PTPRD: variants seen among roughly 807,000 people sequenced by gnomAD.
PTPRD encodes the protein protein tyrosine phosphatase receptor type D.
PTPRD carries 34 observed loss-of-function variants against 214.5 expected under a neutral mutation model. That is an observed-to-expected ratio of 0.16 (90% CI 0.12 to 0.21). The LOEUF is 0.21. PTPRD is among the 10% of genes least tolerant of loss of function. PTPRD has a pLI of 1.00. For synonymous variants in PTPRD, 1,128 were observed against 845.7 expected, an observed-to-expected ratio of 1.33 and a Z score of -5.79; for missense variants, 2,545 against 2,398.7, an observed-to-expected ratio of 1.06 and a Z score of -1.27.
chr9:8,683,078 TC>T (rs2097581985), intron 12 of PTPRD, among the ~76,000 whole-genome samples: 1 of 152,154 alleles, frequency 6.6e-6, no homozygotes, highest in South Asian at 2.1e-4. Flanking sequence ...ATTTTCCACA[TC>T]TTAACTTTTG....
intron 8 of PTPRD, among the ~76,000 whole-genome samples, chr9:9,419,060 G>A (rs1386846695): frequency 6.6e-6 from 1 of 150,446 alleles, no homozygotes; most frequent in Non-Finnish European, 1.5e-5. Flanking sequence ...ATATGAAGAT[G>A]CTACAAGAGT....
intron 9 of PTPRD, among the ~76,000 whole-genome samples, chr9:9,211,263 A>G (rs1426017473): frequency 1.3e-5 from 2 of 152,152 alleles, no homozygotes; most frequent in Non-Finnish European, 2.9e-5. Context: ...AACATAGCCT[A>G]ATTATTTACT....
chr9:8,925,944 T>C (rs969118734), intron 11 of PTPRD, among the ~76,000 whole-genome samples: 1 of 151,468 alleles, frequency 6.6e-6, no homozygotes, highest in Non-Finnish European at 1.5e-5. Flanking sequence ...TGAGTTAATA[T>C]TTCTCTTGTT....
At chr9:8,717,648 A>AT (rs1462507333) in intron 12 of PTPRD, among the ~76,000 whole-genome samples, 8 of 152,302 alleles carry the variant, frequency 5.3e-5, no homozygotes, top group Admixed American at 3.9e-4. Context: ...ACTGAGGGGC[A>AT]TTTTTTAAAT....
chr9:8,536,616 A>C (rs1335092984), intron 14 of PTPRD, among the ~76,000 whole-genome samples: 1 of 151,996 alleles, frequency 6.6e-6, no homozygotes, highest in East Asian at 1.9e-4. Flanking sequence ...TAGAGAGCTG[A>C]GATTTAGTAC....
chr9:10,078,439 C>A (rs1348654278), intron 3 of PTPRD, among the ~76,000 whole-genome samples: 1 of 149,708 alleles, frequency 6.7e-6, no homozygotes. Flanking sequence ...TTGCTTGAAC[C>A]TGGGAGGTGG....
chr9:8,811,647 G>A (rs2096806103), intron 11 of PTPRD, among the ~76,000 whole-genome samples: 1 of 151,278 alleles, frequency 6.6e-6, no homozygotes. Flanking sequence ...TTTTCTGAAA[G>A]GCTATACTGC....
rs566001905 is a variant in PTPRD at position 10,145,724 on chromosome 9, T to C, written c.-544-111934A>G. On this transcript the variant is annotated intron_variant, in intron 3 of 45. Coordinates refer to ENST00000381196, the MANE Select transcript of PTPRD (RefSeq NM_002839.4). ...AGTCTCCAGCATGTGTGTATGTGTATAAACACATATACTACACGTATATAT... is the reference window on the plus strand; with the variant it reads ...AGTCTCCAGCATGTGTGTATGTGTACAAACACATATACTACACGTATATAT... Among the ~76,000 whole-genome samples the C allele has an allele frequency of 2.0e-5, 3 of 152,116 alleles. No individual in the cohort carries two copies. The South Asian group carries it at 6.2e-4, about 32-fold the overall frequency.
intron 11 of PTPRD, among the ~76,000 whole-genome samples, chr9:8,890,509 TG>T (rs1388773149): frequency 2.0e-5 from 3 of 152,250 alleles, no homozygotes; most frequent in Non-Finnish European, 2.9e-5. Flanking sequence ...CTTCATCTTT[TG>T]GGTCAGGACT....
chr9:10,256,994 T>A (rs780562757), intron 3 of PTPRD, among the ~76,000 whole-genome samples: 13 of 152,178 alleles, frequency 8.5e-5, no homozygotes, highest in Non-Finnish European at 1.8e-4. Flanking sequence ...TCAATACATT[T>A]CAGGCCATGG....
At chr9:9,863,992 C>T (rs919469683) in intron 5 of PTPRD, among the ~76,000 whole-genome samples, 4 of 152,036 alleles carry the variant, frequency 2.6e-5, no homozygotes, top group Non-Finnish European at 5.9e-5. Context: ...AAAGATTGTT[C>T]CATATGAGGC....
chr9:8,315,654 C>G lies in PTPRD; in HGVS notation c.*2220G>C, dbSNP rs1024110483. 1 of 226,484 alleles carries G rather than the reference C, an allele frequency of 4.4e-6. No homozygotes were observed. The highest frequency in any genetic ancestry group is 8.8e-6 in the Non-Finnish European group (1 of 113,954). 14.0% of individuals were successfully genotyped at this position (226,484 alleles called of 1,614,324 possible). On this transcript the variant is annotated 3_prime_UTR_variant, in exon 46 of 46. Coordinates refer to ENST00000381196, the MANE Select transcript of PTPRD (RefSeq NM_002839.4). Reference sequence around the variant, plus strand: ...GTATTATATATATTTTCTTTTTTTTCTTTTTCTTTGTTTTTTACAAAAGTG... The same window carrying G: ...GTATTATATATATTTTCTTTTTTTTGTTTTTCTTTGTTTTTTACAAAAGTG...
At chr9:8,652,852 G>T (rs1260233373) in intron 12 of PTPRD, among the ~76,000 whole-genome samples, 1 of 152,162 alleles carries the variant, frequency 6.6e-6, no homozygotes, top group Non-Finnish European at 1.5e-5. Context: ...GATTCTAGAT[G>T]AATTTAATCT....
intron 11 of PTPRD, among the ~76,000 whole-genome samples, chr9:8,804,499 G>C (rs1250033438): frequency 6.6e-6 from 1 of 152,030 alleles, no homozygotes; most frequent in Non-Finnish European, 1.5e-5. Flanking sequence ...CTGGGAGGCT[G>C]GGACGGGAGG....
intron 3 of PTPRD, among the ~76,000 whole-genome samples, chr9:10,172,329 T>C (rs1593112230): frequency 6.6e-6 from 1 of 152,276 alleles, no homozygotes; most frequent in East Asian, 1.9e-4. Flanking sequence ...CACCACCCCA[T>C]ATGCAGAGAT....
At chr9:9,922,910 G>A (rs1028375071) in intron 5 of PTPRD, among the ~76,000 whole-genome samples, 6 of 151,844 alleles carry the variant, frequency 4.0e-5, no homozygotes, top group Non-Finnish European at 1.5e-5. Flanking sequence ...GGAAAATCAT[G>A]CTATAAAGAA....
intron 3 of PTPRD, among the ~76,000 whole-genome samples, chr9:10,161,859 A>C (rs2099129088): frequency 6.6e-6 from 1 of 151,958 alleles, no homozygotes; most frequent in East Asian, 1.9e-4. Flanking sequence ...AAAGATAATA[A>C]TCTAATTGCA....
intron 11 of PTPRD, among the ~76,000 whole-genome samples, chr9:8,888,900 C>T (rs1241982995): frequency 1.3e-5 from 2 of 152,324 alleles, no homozygotes; most frequent in Non-Finnish European, 2.9e-5. Context: ...GCTTATGTAA[C>T]AACCCTGAGC....
At chr9:10,547,459 C>G (rs557216785) in intron 2 of PTPRD, among the ~76,000 whole-genome samples, 1 of 151,936 alleles carries the variant, frequency 6.6e-6, no homozygotes, top group African/African-American at 2.4e-5. Flanking sequence ...CTTTTGATAC[C>G]TTCTCAGATG....
Sources: gnomAD v4.1 joint callset for allele counts (sites outside exome capture counted in the v4.1 genomes callset) on GRCh38, gnomAD v4.1.1 for gene constraint, MANE v1.5 for transcripts, NCBI Gene and HGNC (gene_info 2026-07-23, HGNC 2026-07-21) for gene names.